Variants in UGT1A8 observed in about 807,000 individuals in gnomAD.
UGT1A8 encodes UDP-glucuronosyltransferase 1A8.
A neutral mutation model predicts 45.3 loss-of-function variants in UGT1A8; 39 were observed. The ratio of observed to expected loss-of-function variants is 0.86; its 90% CI spans 0.67 to 1.12. UGT1A8 has a LOEUF of 1.12. Among genes scored for constraint, UGT1A8 ranks in the 50% most tolerant of loss-of-function variants. The probability of loss-of-function intolerance (pLI) is 0.00; values close to 1 mark genes in which losing one functional copy is unlikely to be tolerated. For synonymous variants in UGT1A8, 275 were observed against 249.2 expected (o/e 1.10, Z -0.97); for missense variants, 719 against 664.9 (o/e 1.08, Z -0.90).
rs1005080510 is a variant in UGT1A8 at position 233,635,129 on chromosome 2, C to T, written c.855+16567C>T. 6.6e-5 allele frequency among the ~76,000 whole-genome samples: 10 copies of T among 150,778 alleles called. 1 individual carries two copies. The highest frequency in any genetic ancestry group is 2.2e-4 in the African/African-American group (9 of 40,658). On this transcript the variant is annotated intron_variant, in intron 1 of 4. Transcript: ENST00000373450. ...TCCTTTAGGAATGTTGAGTTTTGGT[C>T]CCCACTGTCTTCTGGTTTGTTGGGT...
chr2:233,628,471 T>C (rs1014927092), intron 1 of UGT1A8, among the ~76,000 whole-genome samples: 1 of 152,190 alleles, frequency 6.6e-6, no homozygotes, highest in Non-Finnish European at 1.5e-5. Context: ...TATTGTATCT[T>C]GCAACCATGC....
At chr2:233,634,671 T>G (rs1041568645) in intron 1 of UGT1A8, among the ~76,000 whole-genome samples, 5 of 140,640 alleles carry the variant, frequency 3.6e-5, no homozygotes, top group African/African-American at 1.4e-4. Flanking sequence ...TATTCCTCTA[T>G]CCCTTTATTT....
intron 1 of UGT1A8, among the ~76,000 whole-genome samples, chr2:233,694,880 G>A (rs997680070): frequency 2.0e-5 from 3 of 152,156 alleles, no homozygotes; most frequent in Non-Finnish European, 2.9e-5. Context: ...TACACATTTG[G>A]GGGGTTCATG....
At chr2:233,640,249 A>G (rs1304686462) in intron 1 of UGT1A8, among the ~76,000 whole-genome samples, 1 of 152,212 alleles carries the variant, frequency 6.6e-6, no homozygotes, top group Non-Finnish European at 1.5e-5. Context: ...GCACCTGTAT[A>G]TCAATCCTTA....
intron 1 of UGT1A8, among the ~76,000 whole-genome samples, chr2:233,720,298 G>A (rs2076845551): frequency 6.6e-6 from 1 of 152,140 alleles, no homozygotes; most frequent in Admixed American, 6.5e-5. Context: ...CAGGAGTTGG[G>A]GGTCTGGTGT....
chr2:233,751,076 G>A (rs1694634911), intron 1 of UGT1A8, among the ~76,000 whole-genome samples: 1 of 151,954 alleles, frequency 6.6e-6, no homozygotes, highest in Non-Finnish European at 1.5e-5. Context: ...GCCAGCCTCT[G>A]AAGGCAGCCA....
chr2:233,650,075 A>C (rs1369860986), intron 1 of UGT1A8, among the ~76,000 whole-genome samples: 1 of 152,124 alleles, frequency 6.6e-6, no homozygotes, highest in Non-Finnish European at 1.5e-5. Flanking sequence ...GGTTCAAGCG[A>C]TTCACCTGCC....
chr2:233,678,496 G>A (rs963192474), intron 1 of UGT1A8, among the ~76,000 whole-genome samples: 2 of 152,072 alleles, frequency 1.3e-5, no homozygotes, highest in Non-Finnish European at 2.9e-5. Flanking sequence ...GTAACCTTAT[G>A]GAAATACATC....
chr2:233,636,892 T>C lies in UGT1A8; in HGVS notation c.855+18330T>C. On this transcript the variant is annotated intron_variant, in intron 1 of 4. Coordinates refer to ENST00000373450, the MANE Select transcript of UGT1A8 (RefSeq NM_019076.5). ...TTTTCTTGACTTATTTTTTTCGCAT[T>C]GCAGGAGTTTGTTTAATGACCGAAA... The C allele has an allele frequency of 6.2e-7, 1 of 1,614,156 alleles. No homozygotes were observed. Among genetic ancestry groups the C allele is most frequent in the Non-Finnish European group, 8.5e-7 (1 of 1,180,026 alleles).
At chr2:233,681,777 A>G (rs1174483141) in intron 1 of UGT1A8, 3 of 923,306 alleles carry the variant, frequency 3.2e-6, no homozygotes, top group South Asian at 5.0e-5. Flanking sequence ...CTACTCATGT[A>G]TTATTATGAG....
rs55749169 is a variant in UGT1A8, at chr2:233,661,623, T to TTTTCTTTCTTTCTTTCTTTCTTTCTTTC, written c.855+43093_855+43120dup. Reference sequence around the variant, plus strand: ...ATCACTGCAGTGAAGACTTACTGAATTTTCTTTCTTTCTTTCTTTCTTTCT... The same window carrying TTTTCTTTCTTTCTTTCTTTCTTTCTTTC: ...ATCACTGCAGTGAAGACTTACTGAATTTTCTTTCTTTCTTTCTTTCTTTCTTTCTTTCTTTCTTTCTTTCTTTCTTTCT... On this transcript the variant is annotated intron_variant, in intron 1 of 4. Transcript: ENST00000373450. Among the ~76,000 whole-genome samples the TTTTCTTTCTTTCTTTCTTTCTTTCTTTC allele has an allele frequency of 2.2e-3, 272 of 124,032 alleles. 6 individuals are homozygous for TTTTCTTTCTTTCTTTCTTTCTTTCTTTC. Among genetic ancestry groups the TTTTCTTTCTTTCTTTCTTTCTTTCTTTC allele is most frequent in the African/African-American group, 3.6e-3 (114 of 31,330 alleles). 81.4% of individuals were successfully genotyped at this position (124,032 alleles called of 152,430 possible). A position where few individuals can be genotyped will look rare whatever the true frequency, so the allele number is the denominator to read the frequency against.
intron 1 of UGT1A8, among the ~76,000 whole-genome samples, chr2:233,724,843 CA>C (rs1314943677): frequency 7.6e-6 from 1 of 132,312 alleles, no homozygotes; most frequent in Non-Finnish European, 1.6e-5. Context: ...GAGGCCAAGG[CA>C]GGCGGCTGGG....
rs531565456 is a variant in UGT1A8 at position 233,748,436 on chromosome 2, T to C, written c.856-18598T>C. On this transcript the variant is annotated intron_variant, in intron 1 of 4. Coordinates refer to ENST00000373450, the MANE Select transcript of UGT1A8 (RefSeq NM_019076.5). ...AGACTTGACCCATCTGGATTTTTTG[T>C]TTGCACAATTTTCAGGGGAAAGATG... Among the ~76,000 whole-genome samples the C allele has an allele frequency of 2.0e-5, 3 of 151,942 alleles. No individual in the cohort carries two copies. In the East Asian group the frequency reaches 5.8e-4, roughly 29 times the overall value.
chr2:233,678,832 C>A (rs1281802583), intron 1 of UGT1A8, among the ~76,000 whole-genome samples: 1 of 152,290 alleles, frequency 6.6e-6, no homozygotes, highest in East Asian at 1.9e-4. Context: ...TTTTGAAATA[C>A]CTTATCCCCA....
chr2:233,678,363 C>T (rs529692240), intron 1 of UGT1A8, among the ~76,000 whole-genome samples: 3 of 152,166 alleles, frequency 2.0e-5, no homozygotes, highest in Non-Finnish European at 4.4e-5. Flanking sequence ...CCATCCTCAT[C>T]ATCTTCCATT....
At chr2:233,681,684 G>A (rs1261867119) in intron 1 of UGT1A8, among the ~76,000 whole-genome samples, 4 of 152,004 alleles carry the variant, frequency 2.6e-5, no homozygotes, top group Non-Finnish European at 5.9e-5. Context: ...TCATATTGCA[G>A]CACAGGGCAT....
chr2:233,656,409 G>C (rs1330944741), intron 1 of UGT1A8, among the ~76,000 whole-genome samples: 1 of 152,218 alleles, frequency 6.6e-6, no homozygotes, highest in African/African-American at 2.4e-5. Flanking sequence ...GTGGCTTATG[G>C]AACAAGGAAT....
At position 233,772,856 on chromosome 2, in the gene UGT1A8, A is replaced by G; in HGVS notation, c.*297A>G. On this transcript the variant is annotated 3_prime_UTR_variant, in exon 5 of 5. Transcript: ENST00000373450. ...TCTAGATTACTTTTCTTACTCTGAA[A>G]CATGGCCTGTTTGGGAGTGCGGGAT... The G allele has an allele frequency of 2.7e-6, 2 of 727,580 alleles. No individual in the cohort carries two copies. The highest frequency in any genetic ancestry group is 4.2e-5 in the South Asian group (2 of 48,166). The allele number at this position is 727,580 out of a possible 1,614,324, so 45.1% of individuals were successfully genotyped here.
intron 1 of UGT1A8, chr2:233,713,111 C>G: frequency 6.2e-7 from 1 of 1,614,252 alleles, no homozygotes; most frequent in Non-Finnish European, 8.5e-7. Context: ...ATGGCAGCCA[C>G]TGGCTCAGCA....
Sources: allele counts gnomAD v4.1 joint callset (sites outside exome capture counted in the v4.1 genomes callset), GRCh38; gene constraint gnomAD v4.1.1; transcripts MANE v1.5; gene names NCBI Gene and HGNC (gene_info 2026-07-23, HGNC 2026-07-21).